Variants in MSANTD2 observed in about 807,000 individuals in gnomAD.
The protein encoded by MSANTD2 is Myb/SANT DNA binding domain containing 2.
In MSANTD2, 19 loss-of-function variants were observed where a neutral mutation model predicts 52.6. The observed-to-expected ratio is 0.36, with a 90% CI of 0.25 to 0.53. The LOEUF is 0.53. Among genes scored for constraint, MSANTD2 ranks in the 20% least tolerant of loss-of-function variants. The pLI is 0.91. For missense variants in MSANTD2, 558 were observed against 716.3 expected (o/e 0.78, Z 2.52); for synonymous variants, 291 against 289.7 (o/e 1.00, Z -0.04).
intron 1 of MSANTD2, chr11:124,784,232 C>T: frequency 1.0e-6 from 1 of 985,290 alleles, no homozygotes; most frequent in East Asian, 1.1e-4. Context: ...CCTACATCAC[C>T]TCTGAAGTTG....
rs1469987740 is a variant in MSANTD2, at chr11:124,800,192, G to A, written c.189C>T (p.Ser63=). Residue 63 remains serine, a synonymous_variant, in exon 1 of 4, where the codon TCC becomes TCT. Transcript: ENST00000374979. The surrounding 1 kb of genome is among the most constrained non-coding windows in gnomAD (Gnocchi z 4.3). ...CCCCCAGCCCCAGCCCGAGACCCCCGGACGCCGCTGCCCCCGAGCCCGCCG... is the reference window on the plus strand; with the variant it reads ...CCCCCAGCCCCAGCCCGAGACCCCCAGACGCCGCTGCCCCCGAGCCCGCCG... ...GSAAGSGAAA[S]GGLGLGLGGR... is the part of the protein sequence containing the mutation. 5.4e-6 allele frequency: 8 copies of A among 1,469,898 alleles called. No individual in the cohort carries two copies. In the East Asian group the frequency reaches 1.5e-4, roughly 27 times the overall value. 91.1% of individuals were successfully genotyped at this position (1,469,898 alleles called of 1,614,324 possible).
At chr11:124,797,643 G>GTT (rs1382296093) in intron 1 of MSANTD2, among the ~76,000 whole-genome samples, 1 of 152,162 alleles carries the variant, frequency 6.6e-6, no homozygotes, top group Non-Finnish European at 1.5e-5. Flanking sequence ...AAAAGTCTGG[G>GTT]TTCTTTGATT....
intron 1 of MSANTD2, chr11:124,791,610 A>G: frequency 6.8e-7 from 1 of 1,478,082 alleles, no homozygotes; most frequent in Non-Finnish European, 9.4e-7. Flanking sequence ...GCCCAATATC[A>G]GTGGGATCGG....
At chr11:124,770,686 A>C (rs953681588) in intron 3 of MSANTD2, among the ~76,000 whole-genome samples, 2 of 151,522 alleles carry the variant, frequency 1.3e-5, no homozygotes, top group African/African-American at 4.9e-5. Context: ...GCTCACTGCA[A>C]CCTTTGCCTT....
At position 124,800,226 on chromosome 11, in the gene MSANTD2, G is replaced by T; in HGVS notation, c.155C>A (p.Pro52Gln). The T allele has an allele frequency of 6.6e-7, 1 of 1,517,204 alleles. No individual in the cohort carries two copies. Among genetic ancestry groups the T allele is most frequent in the South Asian group, 1.2e-5 (1 of 80,656 alleles). The allele number at this position is 1,517,204 out of a possible 1,614,324, so 94.0% of individuals were successfully genotyped here. A position where few individuals can be genotyped will look rare whatever the true frequency, so the allele number is the denominator to read the frequency against. The change falls in exon 1 of 4, where the codon CCG (proline) becomes CAG (glutamine). Residue 52 changes from proline (P) to glutamine (Q), a missense_variant. Physicochemically the swap from Pro to Gln is moderately conservative, Grantham distance 76 (BLOSUM62 -1). This residue lies in a region of MSANTD2 where 150 missense variants were observed against 142.7 expected (regional missense o/e 1.05). Transcript: ENST00000374979. The surrounding 1 kb of genome is among the most constrained non-coding windows in gnomAD (Gnocchi z 4.3). ...STPRGASPLG[P>Q]GSAAGSGAAA... ...TGCCCCCGAGCCCGCCGCACTGCCCGGCCCGAGCGGGGAGGCACCCCGAGG... is the reference window on the plus strand; with the variant it reads ...TGCCCCCGAGCCCGCCGCACTGCCCTGCCCGAGCGGGGAGGCACCCCGAGG...
chr11:124,782,904 C>G (rs1945031001), intron 1 of MSANTD2, among the ~76,000 whole-genome samples: 1 of 152,044 alleles, frequency 6.6e-6, no homozygotes, highest in Non-Finnish European at 1.5e-5. Flanking sequence ...CTCCTGAAAC[C>G]TTTTGAAAAT....
At chr11:124,790,983 T>C in intron 1 of MSANTD2, 1 of 368,230 alleles carries the variant, frequency 2.7e-6, no homozygotes, top group Non-Finnish European at 5.1e-6. Flanking sequence ...CTAGTCCTCT[T>C]TTATTTAACT....
chr11:124,778,698 A>G (rs940047364), intron 1 of MSANTD2, among the ~76,000 whole-genome samples: 2 of 152,248 alleles, frequency 1.3e-5, no homozygotes, highest in South Asian at 2.1e-4. Context: ...AGAGCCAGAG[A>G]AAAGACTTCA....
chr11:124,787,050 A>C (rs2135259934), intron 1 of MSANTD2, among the ~76,000 whole-genome samples: 1 of 152,306 alleles, frequency 6.6e-6, no homozygotes, highest in South Asian at 2.1e-4. Context: ...TCCATCATAG[A>C]TTTGCTGTAT....
At position 124,774,129 on chromosome 11, in the gene MSANTD2, C is replaced by T. The variant is rs1402390727; in HGVS notation, c.766+590G>A. 6.6e-6 allele frequency among the ~76,000 whole-genome samples: 1 copy of T among 152,120 alleles called. No individual in the cohort carries two copies. Among genetic ancestry groups the T allele is most frequent in the African/African-American group, 2.4e-5 (1 of 41,416 alleles). On this transcript the variant is annotated intron_variant, in intron 2 of 3. Transcript: ENST00000374979. The surrounding 1 kb of genome is among the most constrained non-coding windows in gnomAD (Gnocchi z 5.1). ...AATAATTCCAGCTACTGTTGGGATG[C>T]GATCCCTTAAGAAGTGTGAAGGAAC...
intron 1 of MSANTD2, among the ~76,000 whole-genome samples, chr11:124,797,577 G>A (rs1166517189): frequency 6.6e-6 from 1 of 152,214 alleles, no homozygotes; most frequent in East Asian, 1.9e-4. Context: ...AGAGAGACCA[G>A]AACCTGTCCT....
chr11:124,778,136 C>T (rs1944814302), intron 1 of MSANTD2, among the ~76,000 whole-genome samples: 1 of 152,196 alleles, frequency 6.6e-6, no homozygotes, highest in Non-Finnish European at 1.5e-5. Flanking sequence ...AAAACCTACT[C>T]TAGAGCTGAG....
rs1241388260 is a variant in MSANTD2, at chr11:124,767,172, A to G, written c.*4T>C. 1.9e-6 allele frequency: 3 copies of G among 1,588,068 alleles called. No individual in the cohort carries two copies. Among genetic ancestry groups the G allele is most frequent in the Non-Finnish European group, 1.7e-6 (2 of 1,169,478 alleles). ...AGAGCCCAAATCCTTATGAAGGATG[A>G]CATTCAGTTGTTAAATTTTAAGGGG... On this transcript the variant is annotated 3_prime_UTR_variant, in exon 4 of 4. Coordinates refer to ENST00000374979, the MANE Select transcript of MSANTD2 (RefSeq NM_001308027.2). This position sits in a 1 kb window ranked among gnomAD's most constrained non-coding sequence, Gnocchi z 6.5.
Position 124,768,915 on chromosome 11 carries a change from A to G in MSANTD2, c.828-887T>C, listed in dbSNP as rs539947309. ...GTAATTTGTATATATATGAAGCTATATAAAGTTTGCTTCTCAAGTACAGCA... is the reference window on the plus strand; with the variant it reads ...GTAATTTGTATATATATGAAGCTATGTAAAGTTTGCTTCTCAAGTACAGCA... On this transcript the variant is annotated intron_variant, in intron 3 of 3. Coordinates refer to ENST00000374979, the MANE Select transcript of MSANTD2 (RefSeq NM_001308027.2). Among the ~76,000 whole-genome samples the G allele has an allele frequency of 2.4e-4, 37 of 152,362 alleles. 1 individual carries two copies. In the South Asian group the frequency reaches 7.7e-3, roughly 32 times the overall value.
chr11:124,784,690 A>G lies in MSANTD2; in HGVS notation c.511-9716T>C, dbSNP rs1193524717. ...TCAGTTCTGTAGTTATTTTCTCACT[A>G]AAAACTACCATCTATAGTGCAAAGA... is the stretch of plus-strand genomic sequence containing the variant. On this transcript the variant is annotated intron_variant, in intron 1 of 3. Coordinates refer to ENST00000374979, the MANE Select transcript of MSANTD2 (RefSeq NM_001308027.2). 2.0e-5 allele frequency: 20 copies of G among 981,982 alleles called. No homozygotes were observed. In the Admixed American group the frequency reaches 1.2e-3, roughly 60 times the overall value. The allele number at this position is 981,982 out of a possible 1,614,324, so 60.8% of individuals were successfully genotyped here.
At chr11:124,778,575 C>T (rs1338321391) in intron 1 of MSANTD2, among the ~76,000 whole-genome samples, 1 of 152,092 alleles carries the variant, frequency 6.6e-6, no homozygotes, top group Non-Finnish European at 1.5e-5. Context: ...GCATAGGTAA[C>T]AACTTGATCG....
rs145783509 is a variant in MSANTD2 at position 124,768,737 on chromosome 11, G to C, written c.828-709C>G. 3.6e-3 allele frequency among the ~76,000 whole-genome samples: 551 copies of C among 152,232 alleles called. 1 individual carries two copies. The highest frequency in any genetic ancestry group is 5.2e-3 in the Non-Finnish European group (353 of 68,016). The stretch of plus-strand genomic sequence containing the variant: ...CTCACATTAGGCTTAGATTTCAAGA[G>C]AGCAACATTCAAGATAATAAATTGA... On this transcript the variant is annotated intron_variant, in intron 3 of 3. Coordinates refer to ENST00000374979, the MANE Select transcript of MSANTD2 (RefSeq NM_001308027.2).
At chr11:124,784,304 G>C (rs1945086935) in intron 1 of MSANTD2, 12 of 985,248 alleles carry the variant, frequency 1.2e-5, no homozygotes, top group Non-Finnish European at 1.3e-5. Context: ...ACATCAAAGA[G>C]GTATTCAGAT....
In MSANTD2 at chr11:124,774,661, T is replaced by C. The variant is rs1037298063; in HGVS notation, c.766+58A>G. 4.2e-5 allele frequency: 65 copies of C among 1,535,196 alleles called. No individual in the cohort carries two copies. The highest frequency in any genetic ancestry group is 3.4e-5 in the Admixed American group (2 of 58,186). On this transcript the variant is annotated intron_variant, in intron 2 of 3. Transcript: ENST00000374979. This position sits in a 1 kb window ranked among gnomAD's most constrained non-coding sequence, Gnocchi z 5.1. ...TACAGGTAATAAGTACTGGTGCACA[T>C]ACATAAAGGTATATAAATATACACA... is the stretch of plus-strand genomic sequence containing the variant.
Sources: gnomAD v4.1 joint callset for allele counts (sites outside exome capture counted in the v4.1 genomes callset) on GRCh38, gnomAD v4.1.1 for gene constraint, gnomAD v4.1.1 regional missense constraint, Gnocchi (gnomAD v3.1) non-coding constraint, MANE v1.5 for transcripts, NCBI Gene and HGNC (gene_info 2026-07-23, HGNC 2026-07-21) for gene names.